The following CEP290 variants were observed in gnomAD, a reference collection of about 807,000 sequenced individuals.
CEP290 encodes centrosomal protein of 290 kDa.
In CEP290, 317 loss-of-function variants were observed where a neutral mutation model predicts 344.9. The ratio of observed to expected loss-of-function variants is 0.92; its 90% CI spans 0.84 to 1.01. The LOEUF (loss-of-function observed/expected upper bound fraction) is 1.01, where lower values mean the gene tolerates loss of function less well. Ranked by LOEUF, CEP290 falls within the 50% of genes least tolerant of loss-of-function variation. CEP290 has a pLI of 0.00. For missense variants in CEP290, 2,754 were observed against 2,761.4 expected (o/e 1.00, Z 0.06); for synonymous variants, 932 against 895.8 (o/e 1.04, Z -0.72).
chr12:88,125,797 A>C (rs1306840186), intron 12 of CEP290, among the ~76,000 whole-genome samples: 1 of 152,028 alleles, frequency 6.6e-6, no homozygotes, highest in Non-Finnish European at 1.5e-5. Context: ...CTTATTCAGC[A>C]TACACTTTTC....
intron 45 of CEP290, among the ~76,000 whole-genome samples, chr12:88,063,435 A>C (rs899025305): frequency 1.3e-5 from 2 of 152,140 alleles, no homozygotes; most frequent in Admixed American, 1.3e-4. Context: ...TATATTTTAC[A>C]GTGTGATAAT....
chr12:88,060,871 C>T lies in CEP290; in HGVS notation c.6481G>A (p.Glu2161Lys). The T allele has an allele frequency of 6.5e-7, 1 of 1,537,284 alleles. No individual in the cohort carries two copies. The highest frequency in any genetic ancestry group is 8.7e-7 in the Non-Finnish European group (1 of 1,143,040). ...TCCTGCTCAATATTAGCCATTTTTT[C>T]ACTAGTCAATATTCCTGATGCTTTT... ...LKKASGILTS[E>K]KMANIEQENE... is the part of the protein sequence containing the mutation. Residue 2161 changes from glutamate to lysine, a missense_variant, in exon 47 of 54, where the codon GAA becomes AAA. By Grantham distance (56) the Glu-to-Lys change is moderately conservative. Coordinates refer to ENST00000552810, the MANE Select transcript of CEP290 (RefSeq NM_025114.4).
At chr12:88,055,836 T>A in intron 49 of CEP290, 119 bp from the exon 50 acceptor site, 1 of 741,920 alleles carries the variant, frequency 1.3e-6, no homozygotes, top group Non-Finnish European at 2.0e-6. Flanking sequence ...CTGTTTCTTC[T>A]AGTCAAAGTT....
chr12:88,139,531 C>T lies in CEP290; in HGVS notation c.214G>A (p.Glu72Lys), dbSNP rs1292246271. The T allele has an allele frequency of 6.3e-7, 1 of 1,595,930 alleles. No individual in the cohort carries two copies. The highest frequency in any genetic ancestry group is 1.3e-5 in the African/African-American group (1 of 74,172). ...TGTTCTTCTCCAGCTTTTTCTACTT[C>T]TTCCAAAGCCAGCTCCACTTCTTGA... ...KAQEVELALEEVEKAGEEQAK... is the reference protein window; with the variant it reads ...KAQEVELALEKVEKAGEEQAK... The change falls in exon 4 of 54, where the codon GAA becomes AAA. Residue 72 changes from glutamate to lysine, a missense_variant. Physicochemically the swap from Glu to Lys is moderately conservative, Grantham distance 56. Transcript: ENST00000552810.
At chr12:88,054,292 T>G (rs2033819626) in intron 51 of CEP290, 48 bp downstream of exon 51, 1 of 1,257,584 alleles carries the variant, frequency 8.0e-7, no homozygotes, top group Non-Finnish European at 1.1e-6. Context: ...ACTAATAATT[T>G]TTTTTTTAAA....
At chr12:88,105,520 CA>C (rs1461404442) in intron 25 of CEP290, among the ~76,000 whole-genome samples, 1 of 152,132 alleles carries the variant, frequency 6.6e-6, no homozygotes, top group Non-Finnish European at 1.5e-5. Flanking sequence ...ATTTATTTTA[CA>C]AAAGCATGTC....
chr12:88,122,698 A>C (rs2039480490), intron 13 of CEP290, among the ~76,000 whole-genome samples: 1 of 152,188 alleles, frequency 6.6e-6, no homozygotes, highest in African/African-American at 2.4e-5. Flanking sequence ...CCTAGTAATT[A>C]GAATACGCAC....
chr12:88,063,943 T>G, intron 45 of CEP290, 38 bp downstream of exon 45: 1 of 1,535,336 alleles, frequency 6.5e-7, no homozygotes, highest in South Asian at 1.2e-5. Flanking sequence ...GAAGGAGTTT[T>G]AGGCATTAGA....
intron 11 of CEP290, among the ~76,000 whole-genome samples, chr12:88,127,489 A>G (rs1353628009): frequency 6.6e-6 from 1 of 152,036 alleles, no homozygotes; most frequent in East Asian, 1.9e-4. Context: ...CTCTGTCTCA[A>G]AAACAAAAAC....
At chr12:88,080,931 T>C (rs1241136488) in intron 37 of CEP290, among the ~76,000 whole-genome samples, 1 of 152,204 alleles carries the variant, frequency 6.6e-6, no homozygotes, top group African/African-American at 2.4e-5. Flanking sequence ...CTAATATTTT[T>C]GGCAACAATC....
intron 20 of CEP290, 101 bp from the exon 21 acceptor site, chr12:88,111,959 C>T (rs2038723112): frequency 2.5e-6 from 2 of 785,284 alleles, no homozygotes; most frequent in South Asian, 2.8e-5. Context: ...AAGCATTTTC[C>T]TATTTTCATT....
At position 88,141,405 on chromosome 12, in the gene CEP290, T is replaced by C. The variant is rs115921840; in HGVS notation, c.-27-71A>G. On this transcript the variant is annotated intron_variant, in intron 1 of 53. Transcript: ENST00000552810. ...TTATTGGTTTTCTAGCACCTTACAT[T>C]TTTTGCAGATTATTTCATTATAACT... The C allele has an allele frequency of 5.3e-4, 363 of 687,680 alleles. 3 individuals carry two copies. The African/African-American group carries it at 6.2e-3, about 12-fold the overall frequency. The allele number at this position is 687,680 out of a possible 1,614,324, so 42.6% of individuals were successfully genotyped here.
At chr12:88,095,411 T>C (rs915522454) in intron 27 of CEP290, among the ~76,000 whole-genome samples, 3 of 152,170 alleles carry the variant, frequency 2.0e-5, no homozygotes, top group Admixed American at 1.3e-4. Context: ...TATAAATCCA[T>C]ATATGAAAGA....
At chr12:88,138,757 A>C (rs1023270515) in intron 5 of CEP290, among the ~76,000 whole-genome samples, 24 of 152,202 alleles carry the variant, frequency 1.6e-4, no homozygotes, top group Admixed American at 1.4e-3. Context: ...CTACCTTCTC[A>C]GGAATCTCAA....
Position 88,049,402 on chromosome 12 carries a change from T to A in CEP290, c.7222A>T (p.Lys2408Ter). The part of the protein sequence containing the change: ...EKQHLKEEIK[K>*]LKKELENFDP... ...AAATTTTCCAGTTCTTTTTTCAGCT[T>A]CTTTATTTCCTCCTAATGGAAACAT... The change falls in exon 54 of 54, where the codon AAG becomes TAG. Residue 2408 changes from lysine to a stop codon, truncating the protein, a stop_gained. Transcript: ENST00000552810. LOFTEE classifies it high-confidence loss of function. 6.8e-7 allele frequency: 1 copy of A among 1,459,958 alleles called. No individual in the cohort carries two copies. The highest frequency in any genetic ancestry group is 9.4e-7 in the Non-Finnish European group (1 of 1,063,102). The allele number at this position is 1,459,958 out of a possible 1,614,324, so 90.4% of individuals were successfully genotyped here.
chr12:88,111,179 A>G (rs2038662243), intron 22 of CEP290, 23 bp downstream of exon 22: 1 of 1,306,178 alleles, frequency 7.7e-7, no homozygotes, highest in Non-Finnish European at 1.0e-6. Context: ...AATTTTCAAT[A>G]CCTGTAACAA....
chr12:88,059,645 G>T (rs940959130), intron 48 of CEP290, among the ~76,000 whole-genome samples: 4 of 152,336 alleles, frequency 2.6e-5, no homozygotes, highest in African/African-American at 9.6e-5. Flanking sequence ...CTGACCTCGT[G>T]ATCCACCCGC....
At chr12:88,100,591 C>G (rs1297517839) in intron 26 of CEP290, among the ~76,000 whole-genome samples, 1 of 152,118 alleles carries the variant, frequency 6.6e-6, no homozygotes, top group Non-Finnish European at 1.5e-5. Flanking sequence ...ATACTCAACA[C>G]ACAGAAACAA....
chr12:88,125,403 C>T (rs971084228), intron 12 of CEP290, 34 bp from the exon 13 acceptor site: 2 of 1,100,060 alleles, frequency 1.8e-6, no homozygotes, highest in South Asian at 3.4e-5. Context: ...TATATCCCTT[C>T]ATGAATATTA....
Sources: gnomAD v4.1 joint callset for allele counts (sites outside exome capture counted in the v4.1 genomes callset) on GRCh38, gnomAD v4.1.1 for gene constraint, MANE v1.5 for transcripts, NCBI Gene and HGNC (gene_info 2026-07-23, HGNC 2026-07-21) for gene names.